The following AUTS2 variants were observed in gnomAD, a reference collection of about 807,000 sequenced individuals.
AUTS2 encodes activator of transcription and developmental regulator AUTS2, also known as autism susceptibility gene 2 protein.
Under a neutral mutation model 112.4 loss-of-function variants are expected in AUTS2, and 17 were observed. That is an observed-to-expected ratio of 0.15 (90% confidence interval 0.10 to 0.23). The LOEUF (loss-of-function observed/expected upper bound fraction) is 0.23. AUTS2 is among the 10% of genes least tolerant of loss of function. The pLI is 1.00. For synonymous variants in AUTS2, 751 were observed against 702.7 expected, an observed-to-expected ratio of 1.07 and a Z score of -1.09; for missense variants, 1,510 against 1,701.6, an observed-to-expected ratio of 0.89 and a Z score of 1.98.
chr7:69,960,617 C>T (rs890101968), intron 2 of AUTS2, among the ~76,000 whole-genome samples: 5 of 152,170 alleles, frequency 3.3e-5, no homozygotes, highest in African/African-American at 1.2e-4. Flanking sequence ...TATCGAACTT[C>T]AGAATCAGTC....
intron 3 of AUTS2, among the ~76,000 whole-genome samples, chr7:70,128,725 C>G (rs1173357678): frequency 6.6e-6 from 1 of 152,186 alleles, no homozygotes; most frequent in African/African-American, 2.4e-5. Context: ...TAATGAATGA[C>G]CACAAACTGT....
At chr7:70,578,644 C>T in intron 5 of AUTS2, among the ~76,000 whole-genome samples, 1 of 151,652 alleles carries the variant, frequency 6.6e-6, no homozygotes. Flanking sequence ...ATCAGTCCCC[C>T]TCTTCATTAT....
intron 4 of AUTS2, among the ~76,000 whole-genome samples, chr7:70,414,835 G>A (rs900764866): frequency 6.6e-6 from 1 of 152,074 alleles, no homozygotes; most frequent in African/African-American, 2.4e-5. Flanking sequence ...CTCAAAGCAC[G>A]AGTTACAGTT....
At chr7:69,784,117 G>T (rs1234283411) in intron 1 of AUTS2, among the ~76,000 whole-genome samples, 2 of 152,158 alleles carry the variant, frequency 1.3e-5, no homozygotes, top group Admixed American at 6.5e-5. Context: ...GTCTACACAG[G>T]CTTGGAAACA....
At chr7:70,058,721 T>A (rs556065632) in intron 2 of AUTS2, among the ~76,000 whole-genome samples, 1 of 152,106 alleles carries the variant, frequency 6.6e-6, no homozygotes, top group Non-Finnish European at 1.5e-5. Flanking sequence ...CTTTCCTTAT[T>A]AAGGATAATT....
intron 5 of AUTS2, among the ~76,000 whole-genome samples, chr7:70,513,880 G>A (rs1443573226): frequency 2.6e-5 from 4 of 151,966 alleles, no homozygotes; most frequent in Admixed American, 6.6e-5. Context: ...GGCTGGTCTC[G>A]AACTCCTGAC....
At chr7:70,010,233 C>A (rs1799734298) in intron 2 of AUTS2, among the ~76,000 whole-genome samples, 1 of 152,016 alleles carries the variant, frequency 6.6e-6, no homozygotes, top group Non-Finnish European at 1.5e-5. Context: ...GCAGCCCTGA[C>A]CTCCTGGGCT....
At chr7:69,919,969 A>T (rs1795743571) in intron 2 of AUTS2, among the ~76,000 whole-genome samples, 1 of 151,474 alleles carries the variant, frequency 6.6e-6, no homozygotes, top group Non-Finnish European at 1.5e-5. Flanking sequence ...TGGGTACATT[A>T]GATTGAAAAA....
intron 4 of AUTS2, among the ~76,000 whole-genome samples, chr7:70,312,970 G>A (rs1789829809): frequency 6.6e-6 from 1 of 152,188 alleles, no homozygotes; most frequent in African/African-American, 2.4e-5. Context: ...TGCTCTAGTT[G>A]TGGAAGATTG....
Position 70,507,377 on chromosome 7 carries a change from T to C in AUTS2, c.690+71596T>C, listed in dbSNP as rs534487702. On this transcript the variant is annotated intron_variant, in intron 5 of 18. Transcript: ENST00000342771. ...AAGACCACATCTCTACAAAAATTTTTAAAATTAGAAAAAAAAGAAAGAATA... is the reference window on the plus strand; with the variant it reads ...AAGACCACATCTCTACAAAAATTTTCAAAATTAGAAAAAAAAGAAAGAATA... Among the ~76,000 whole-genome samples, 10 of 151,652 alleles carry C rather than the reference T, an allele frequency of 6.6e-5. No individual in the cohort carries two copies. The South Asian group carries it at 1.3e-3, about 19-fold the overall frequency.
chr7:69,727,048 A>G (rs779705346), intron 1 of AUTS2, among the ~76,000 whole-genome samples: 10 of 152,040 alleles, frequency 6.6e-5, no homozygotes, highest in Admixed American at 1.3e-4. Context: ...TTTTTCCATT[A>G]TATATTTTGT....
chr7:69,607,617 CAAACCTTAT>C (rs1248276007), intron 1 of AUTS2, among the ~76,000 whole-genome samples: 2 of 152,292 alleles, frequency 1.3e-5, no homozygotes, highest in East Asian at 3.9e-4. Context: ...TTTGCCAGAG[CAAACCTTAT>C]AAATGATCAA....
chr7:70,722,600 A>G (rs1786759945), intron 6 of AUTS2, among the ~76,000 whole-genome samples: 1 of 152,188 alleles, frequency 6.6e-6, no homozygotes, highest in Non-Finnish European at 1.5e-5. Context: ...GATTTAACTA[A>G]TTAGATTTGA....
Position 70,245,173 on chromosome 7 carries a change from A to AT in AUTS2, c.660+110602_660+110603insT, listed in dbSNP as rs1562817225. Among the ~76,000 whole-genome samples the AT allele has an allele frequency of 1.3e-3, 167 of 123,722 alleles. 1 individual carries two copies. The highest frequency in any genetic ancestry group is 4.4e-3 in the South Asian group (17 of 3,886). 81.2% of individuals were successfully genotyped at this position (123,722 alleles called of 152,430 possible). ...ATATATATATATATATATATATAAA[A>AT]AATAAAAAATAAACAAAAATTAAAA... On this transcript the variant is annotated intron_variant, in intron 4 of 18. Coordinates refer to ENST00000342771, the MANE Select transcript of AUTS2 (RefSeq NM_015570.4).
intron 6 of AUTS2, among the ~76,000 whole-genome samples, chr7:70,714,615 C>T (rs1810256205): frequency 6.6e-6 from 1 of 152,160 alleles, no homozygotes. Flanking sequence ...AGTGCTCCAC[C>T]CTCCCCAGCT....
chr7:70,764,746 C>G lies in AUTS2; in HGVS notation c.1215-6C>G, dbSNP rs754469709. Reference sequence around the variant, plus strand: ...TTTTCTTTTCTTTTTTTTCTTGTTCCGATAGCAGCAGCAGAAGCAGCACTC... The same window carrying G: ...TTTTCTTTTCTTTTTTTTCTTGTTCGGATAGCAGCAGCAGAAGCAGCACTC... On this transcript the variant is annotated splice_polypyrimidine_tract_variant and splice_region_variant and intron_variant, in intron 7 of 18. Coordinates refer to ENST00000342771, the MANE Select transcript of AUTS2 (RefSeq NM_015570.4). The G allele has an allele frequency of 5.5e-6, 4 of 726,414 alleles. No individual in the cohort carries two copies. In the African/African-American group the frequency reaches 7.0e-5, roughly 13 times the overall value. 45.0% of individuals were successfully genotyped at this position (726,414 alleles called of 1,614,324 possible).
chr7:70,233,980 G>GCCCC (rs1812189941), intron 4 of AUTS2, among the ~76,000 whole-genome samples: 3 of 152,318 alleles, frequency 2.0e-5, no homozygotes, highest in Non-Finnish European at 4.4e-5. Flanking sequence ...GGATGTATGT[G>GCCCC]CTTTTGAAGT....
At chr7:69,865,656 AAGG>A (rs1458853823) in intron 1 of AUTS2, among the ~76,000 whole-genome samples, 2 of 152,194 alleles carry the variant, frequency 1.3e-5, no homozygotes, top group East Asian at 3.8e-4. Context: ...ATCTTGTGCC[AAGG>A]CCATTCTCTT....
chr7:70,282,089 C>T (rs762922820), intron 4 of AUTS2, among the ~76,000 whole-genome samples: 2 of 152,130 alleles, frequency 1.3e-5, no homozygotes, highest in Non-Finnish European at 2.9e-5. Flanking sequence ...TGCTGGGGAG[C>T]AATATTTGGG....
Sources: gnomAD v4.1 joint callset for allele counts (sites outside exome capture counted in the v4.1 genomes callset) on GRCh38, gnomAD v4.1.1 for gene constraint, MANE v1.5 for transcripts, NCBI Gene and HGNC (gene_info 2026-07-23, HGNC 2026-07-21) for gene names.